Variants in AGO2 observed in about 807,000 individuals in gnomAD.
AGO2 encodes argonaute RISC catalytic component 2.
In AGO2, 5 loss-of-function variants were observed where a neutral mutation model predicts 102.3. That is an observed-to-expected ratio of 0.05 (90% confidence interval 0.03 to 0.10). AGO2 has a LOEUF of 0.10. Ranked by LOEUF, AGO2 falls within the 10% of genes least tolerant of loss-of-function variation. AGO2 has a pLI of 1.00. For missense variants in AGO2, 541 were observed against 1,183.7 expected (o/e 0.46, Z 7.97); for synonymous variants, 449 against 473.1 (o/e 0.95, Z 0.66).
intron 1 of AGO2, among the ~76,000 whole-genome samples, chr8:140,616,265 C>T (rs1318358891): frequency 6.6e-6 from 1 of 152,236 alleles, no homozygotes; most frequent in Non-Finnish European, 1.5e-5. Context: ...GAGAGGCTCA[C>T]TCCTCAAAGG....
At chr8:140,637,148 C>G (rs1391381673), upstream of AGO2, 2 of 150,686 alleles carry the variant, frequency 1.3e-5, no homozygotes, top group Non-Finnish European at 2.9e-5. Flanking sequence ...TTAAACTGCA[C>G]TTTTACTTTA....
chr8:140,613,781 C>T (rs771354566), intron 1 of AGO2, among the ~76,000 whole-genome samples: 13 of 152,016 alleles, frequency 8.6e-5, no homozygotes, highest in East Asian at 1.9e-4. Flanking sequence ...TTAGGGAAGC[C>T]GAGGCAGGAG....
At chr8:140,544,556 C>T (rs920106736) in intron 13 of AGO2, among the ~76,000 whole-genome samples, 13 of 132,928 alleles carry the variant, frequency 9.8e-5, no homozygotes, top group Non-Finnish European at 1.7e-4. Flanking sequence ...CAGGAGCTGA[C>T]AGCTGTTGAG....
intron 2 of AGO2, among the ~76,000 whole-genome samples, chr8:140,576,901 G>A (rs915251731): frequency 4.6e-5 from 7 of 152,064 alleles, no homozygotes; most frequent in African/African-American, 1.7e-4. Flanking sequence ...GCAACACGAC[G>A]GGTGTCTTAG....
chr8:140,555,816 G>A (rs1223128273), intron 10 of AGO2, 80 bp downstream of exon 10: 2 of 1,523,146 alleles, frequency 1.3e-6, no homozygotes, highest in African/African-American at 1.4e-5. Context: ...TACACCGCGG[G>A]CGATAGCTCA....
rs139360285 is a variant in AGO2 at position 140,628,320 on chromosome 8, G to C, written c.22+7165C>G. The stretch of plus-strand genomic sequence containing the variant: ...CCCCAGGGAACGAACACCCACGTGT[G>C]TGAGGCCCCAGGAATGAGGAGGACG... On this transcript the variant is annotated intron_variant, in intron 1 of 18. Transcript: ENST00000220592. 3.0e-3 allele frequency among the ~76,000 whole-genome samples: 457 copies of C among 152,356 alleles called. 1 individual carries two copies. The highest frequency in any genetic ancestry group is 3.4e-3 in the Middle Eastern group (1 of 294).
In AGO2 at chr8:140,522,811, T is replaced by A. The variant is rs1410690729; in HGVS notation, c.*9233A>T. The A allele has an allele frequency of 6.6e-6, 1 of 151,784 alleles. No individual in the cohort carries two copies. Among genetic ancestry groups the A allele is most frequent in the Non-Finnish European group, 1.5e-5 (1 of 68,006 alleles). The allele number at this position is 151,784 out of a possible 1,614,324, so 9.4% of individuals were successfully genotyped here. A position where few individuals can be genotyped will look rare whatever the true frequency, so the allele number is the denominator to read the frequency against. On this transcript the variant is annotated 3_prime_UTR_variant, in exon 19 of 19. Transcript: ENST00000220592. ...AAATAACTTGAATTATGATACAGCA[T>A]CTTGATCTGAACAGTTTACACTCAC...
At chr8:140,532,730 C>T in intron 17 of AGO2, 115 bp from the exon 18 acceptor site, 2 of 1,186,412 alleles carry the variant, frequency 1.7e-6, no homozygotes, top group South Asian at 2.9e-5. Flanking sequence ...GACACGGAGG[C>T]TCACGCCTGT....
chr8:140,556,412 G>A, intron 8 of AGO2, 126 bp from the exon 9 acceptor site: 1 of 1,252,800 alleles, frequency 8.0e-7, no homozygotes, highest in Non-Finnish European at 1.1e-6. Flanking sequence ...CCTGGGCTAT[G>A]AAGTGCTGTG....
chr8:140,572,594 G>A lies in AGO2; in HGVS notation c.336+218C>T, dbSNP rs559320762. 1.6e-4 allele frequency: 85 copies of A among 521,552 alleles called. 2 individuals are homozygous for A. The South Asian group carries it at 2.1e-3, about 13-fold the overall frequency. The allele number at this position is 521,552 out of a possible 1,614,324, so 32.3% of individuals were successfully genotyped here. A position where few individuals can be genotyped will look rare whatever the true frequency, so the allele number is the denominator to read the frequency against. On this transcript the variant is annotated intron_variant, in intron 3 of 18. Transcript: ENST00000220592. ...TGGTTTCAGCAAGTTCTCGATATCC[G>A]TGTCTGGACCTAGACAAGTTAAACC...
At position 140,595,889 on chromosome 8, in the gene AGO2, TTA is replaced by T. The variant is rs1235385085; in HGVS notation, c.23-10580_23-10579del. 1.2e-4 allele frequency among the ~76,000 whole-genome samples: 15 copies of T among 120,772 alleles called. 1 individual carries two copies. The Middle Eastern group carries it at 0.011, about 89-fold the overall frequency. 79.2% of individuals were successfully genotyped at this position (120,772 alleles called of 152,430 possible). ...CAATTGTATATTATATAATATATAA[TTA>T]TATATATTATGTATTATATAATATA... On this transcript the variant is annotated intron_variant, in intron 1 of 18. Coordinates refer to ENST00000220592, the MANE Select transcript of AGO2 (RefSeq NM_012154.5).
chr8:140,595,615 AAT>A (rs35447841), intron 1 of AGO2, among the ~76,000 whole-genome samples: 98,388 of 124,704 alleles, frequency 0.79, 39,243 homozygotes, highest in Admixed American at 0.83. Flanking sequence ...CTATATATAT[AAT>A]ATATATATAT....
At chr8:140,633,793 G>A (rs537785454) in intron 1 of AGO2, among the ~76,000 whole-genome samples, 1 of 152,178 alleles carries the variant, frequency 6.6e-6, no homozygotes, top group South Asian at 2.1e-4. Flanking sequence ...GTGTGACCTT[G>A]GTGAAGTTCT....
rs770532081 is a variant in AGO2, at chr8:140,549,275, T to C, written c.1427A>G (p.Lys476Arg). Reference protein sequence around the residue: ...HLKSFTEQLRKISRDAGMPIQ... With the variant: ...HLKSFTEQLRRISRDAGMPIQ... ...GGGCATGCCGGCGTCTCTCGAGATC[T>C]TTCTGAGCTGCTCTGTGAAGGACCT... The change falls in exon 12 of 19, where the codon AAG becomes AGG. Residue 476 changes from lysine (K) to arginine (R), a missense_variant. Lys to Arg is a conservative substitution (Grantham distance 26). Around this residue, in one of 6 missense-constraint regions of AGO2, gnomAD observed 309 missense variants for 735.1 expected, o/e 0.42. Coordinates refer to ENST00000220592, the MANE Select transcript of AGO2 (RefSeq NM_012154.5). 1.2e-6 allele frequency: 2 copies of C among 1,609,374 alleles called. No homozygotes were observed. Among genetic ancestry groups the C allele is most frequent in the South Asian group, 1.1e-5 (1 of 90,704 alleles).
At chr8:140,583,218 T>C (rs1265502167) in intron 2 of AGO2, among the ~76,000 whole-genome samples, 1 of 152,210 alleles carries the variant, frequency 6.6e-6, no homozygotes, top group Non-Finnish European at 1.5e-5. Flanking sequence ...TTCCAGGTCT[T>C]TGGCTTCCCT....
intron 1 of AGO2, among the ~76,000 whole-genome samples, chr8:140,606,428 AAAC>A (rs1326666231): frequency 2.6e-5 from 4 of 152,220 alleles, no homozygotes; most frequent in East Asian, 1.9e-4. Context: ...CATCATAACA[AAAC>A]AACATTATTC....
intron 4 of AGO2, 65 bp downstream of exon 4, chr8:140,562,388 C>A: frequency 1.3e-6 from 2 of 1,541,782 alleles, no homozygotes; most frequent in South Asian, 2.4e-5. Flanking sequence ...AGATTTCAGA[C>A]CCTGCGGGGG....
At chr8:140,564,091 G>A (rs1417324534) in intron 3 of AGO2, among the ~76,000 whole-genome samples, 1 of 152,250 alleles carries the variant, frequency 6.6e-6, no homozygotes, top group Non-Finnish European at 1.5e-5. Context: ...CAAAAGATGA[G>A]GGCAGGGAAA....
At chr8:140,546,864 G>C (rs2072909776) in intron 13 of AGO2, among the ~76,000 whole-genome samples, 2 of 152,176 alleles carry the variant, frequency 1.3e-5, no homozygotes, top group South Asian at 4.1e-4. Flanking sequence ...GCAAACCCTG[G>C]CCCTGCCCTG....
Sources: allele counts gnomAD v4.1 joint callset (sites outside exome capture counted in the v4.1 genomes callset), GRCh38; gene constraint gnomAD v4.1.1; regional missense constraint gnomAD v4.1.1; transcripts MANE v1.5; gene names NCBI Gene and HGNC (gene_info 2026-07-23, HGNC 2026-07-21).